The following SCUBE1 variants were observed in gnomAD, a reference collection of about 807,000 sequenced individuals.
SCUBE1 encodes signal peptide, CUB domain and EGF like domain containing 1.
SCUBE1 carries 59 observed loss-of-function variants against 124.4 expected under a neutral mutation model. The observed-to-expected ratio is 0.47, with a 90% CI of 0.38 to 0.59. The LOEUF is 0.59. Among genes scored for constraint, SCUBE1 ranks in the 20% least tolerant of loss-of-function variants. The pLI, the probability that SCUBE1 is intolerant of heterozygous loss-of-function variation, is 0.00. For synonymous variants in SCUBE1, 545 were observed against 550.9 expected (o/e 0.99, Z 0.15); for missense variants, 1,150 against 1,371.2 (o/e 0.84, Z 2.55).
chr22:43,246,320 C>A (rs1923209563), intron 6 of SCUBE1, among the ~76,000 whole-genome samples: 1 of 152,160 alleles, frequency 6.6e-6, no homozygotes, highest in African/African-American at 2.4e-5. Flanking sequence ...CATGGCCGTG[C>A]CCCAGGAGGC....
chr22:43,250,396 A>G (rs1923394147), intron 6 of SCUBE1, among the ~76,000 whole-genome samples: 1 of 152,214 alleles, frequency 6.6e-6, no homozygotes, highest in African/African-American at 2.4e-5. Flanking sequence ...GGGAAGGCTC[A>G]GGGGGCCCTG....
chr22:43,282,579 A>C (rs1468098661), intron 4 of SCUBE1: 2 of 151,158 alleles, frequency 1.3e-5, no homozygotes, highest in African/African-American at 4.9e-5. Flanking sequence ...TCCCCCCTTA[A>C]TCCTCCCAAC....
At chr22:43,306,923 G>A (rs1601877772) in intron 3 of SCUBE1, among the ~76,000 whole-genome samples, 1 of 152,194 alleles carries the variant, frequency 6.6e-6, no homozygotes, top group Admixed American at 6.5e-5. Context: ...CTTTCCCAGC[G>A]CTTCTACCCA....
intron 3 of SCUBE1, among the ~76,000 whole-genome samples, chr22:43,304,288 G>T (rs1389413952): frequency 6.6e-6 from 1 of 152,248 alleles, no homozygotes; most frequent in African/African-American, 2.4e-5. Flanking sequence ...TTAGTCACAT[G>T]TATTTGTTCA....
chr22:43,262,023 GA>G (rs1297827302), intron 5 of SCUBE1, among the ~76,000 whole-genome samples: 1 of 152,078 alleles, frequency 6.6e-6, no homozygotes, highest in African/African-American at 2.4e-5. Context: ...TAAGAGGCTG[GA>G]CTACACGTGG....
chr22:43,333,106 T>C (rs1926955409), intron 2 of SCUBE1, among the ~76,000 whole-genome samples: 2 of 152,148 alleles, frequency 1.3e-5, no homozygotes, highest in African/African-American at 4.8e-5. Flanking sequence ...GTGGTGTGTA[T>C]GGACCTGGGG....
chr22:43,331,669 G>A (rs555039918), intron 2 of SCUBE1, among the ~76,000 whole-genome samples: 23 of 152,112 alleles, frequency 1.5e-4, no homozygotes, highest in Non-Finnish European at 2.6e-4. Flanking sequence ...CTTTTCCCTC[G>A]CAAATGTCTA....
At chr22:43,298,187 C>T (rs919081617) in intron 3 of SCUBE1, among the ~76,000 whole-genome samples, 3 of 152,222 alleles carry the variant, frequency 2.0e-5, no homozygotes, top group Non-Finnish European at 2.9e-5. Flanking sequence ...AAAATACACA[C>T]GGGTCTTAGA....
chr22:43,240,611 G>A (rs1004395625), intron 6 of SCUBE1, among the ~76,000 whole-genome samples: 5 of 152,164 alleles, frequency 3.3e-5, no homozygotes, highest in African/African-American at 1.2e-4. Context: ...CAACCCCTTG[G>A]GGCTGCACCT....
intron 7 of SCUBE1, among the ~76,000 whole-genome samples, chr22:43,237,056 G>A (rs1321984242): frequency 6.7e-6 from 1 of 150,008 alleles, no homozygotes; most frequent in Non-Finnish European, 1.5e-5. Context: ...GAGTGGGGCA[G>A]CCTGGTGAAA....
chr22:43,255,654 C>A lies in SCUBE1; in HGVS notation c.727+2565G>T. ...CTTCCCGCGGCCCAAGACAGTCAGC[C>A]TCTCGGCGTGGCGCACGCAAAGCCA... is the stretch of plus-strand genomic sequence containing the variant. On this transcript the variant is annotated intron_variant, in intron 6 of 21. Transcript: ENST00000360835. This position sits in a 1 kb window ranked among gnomAD's most constrained non-coding sequence, Gnocchi z 4.7. 6.2e-6 allele frequency: 8 copies of A among 1,291,592 alleles called. No individual in the cohort carries two copies. The highest frequency in any genetic ancestry group is 8.7e-6 in the Non-Finnish European group (8 of 914,940). The allele number at this position is 1,291,592 out of a possible 1,614,324, so 80.0% of individuals were successfully genotyped here.
intron 15 of SCUBE1, among the ~76,000 whole-genome samples, chr22:43,216,839 C>T (rs969106750): frequency 6.8e-6 from 1 of 147,298 alleles, no homozygotes; most frequent in Admixed American, 6.7e-5. Flanking sequence ...CCAGGTGTCA[C>T]CTCTTTATCA....
chr22:43,242,602 C>T (rs184216531), intron 6 of SCUBE1, among the ~76,000 whole-genome samples: 12 of 152,238 alleles, frequency 7.9e-5, no homozygotes, highest in African/African-American at 2.7e-4. Flanking sequence ...GAATCTCCCC[C>T]ACCCTGAAAC....
chr22:43,228,515 G>A (rs556119039), intron 9 of SCUBE1, among the ~76,000 whole-genome samples: 13 of 152,242 alleles, frequency 8.5e-5, no homozygotes, highest in African/African-American at 2.9e-4. Context: ...ACTCCCCTGC[G>A]GGCTCACGCA....
intron 4 of SCUBE1, among the ~76,000 whole-genome samples, chr22:43,275,324 C>A (rs576610219): frequency 6.6e-6 from 1 of 152,184 alleles, no homozygotes; most frequent in Non-Finnish European, 1.5e-5. Flanking sequence ...CCTCTCCTGG[C>A]GGTGGGCTGG....
At chr22:43,267,536 G>A (rs1924121156) in intron 4 of SCUBE1, among the ~76,000 whole-genome samples, 1 of 152,164 alleles carries the variant, frequency 6.6e-6, no homozygotes, top group East Asian at 1.9e-4. Context: ...GAAGTCCTGC[G>A]GTCCCTGTGG....
At chr22:43,333,077 T>C (rs1186497423) in intron 2 of SCUBE1, among the ~76,000 whole-genome samples, 4 of 152,146 alleles carry the variant, frequency 2.6e-5, no homozygotes, top group Admixed American at 2.0e-4. Context: ...CTAAGTGCAG[T>C]GTGGCATGGG....
At chr22:43,207,111 C>T (rs1921323103) in intron 21 of SCUBE1, among the ~76,000 whole-genome samples, 1 of 152,154 alleles carries the variant, frequency 6.6e-6, no homozygotes, top group Non-Finnish European at 1.5e-5. Flanking sequence ...GCGGCCCTGC[C>T]TCTCCAGGCT....
chr22:43,261,252 G>A (rs1923860745), intron 5 of SCUBE1, among the ~76,000 whole-genome samples: 1 of 152,232 alleles, frequency 6.6e-6, no homozygotes, highest in African/African-American at 2.4e-5. Context: ...GTGGAGACGG[G>A]GCCTGGATGG....
Sources: gnomAD v4.1 joint callset for allele counts (sites outside exome capture counted in the v4.1 genomes callset) on GRCh38, gnomAD v4.1.1 for gene constraint, Gnocchi (gnomAD v3.1) non-coding constraint, MANE v1.5 for transcripts, NCBI Gene and HGNC (gene_info 2026-07-23, HGNC 2026-07-21) for gene names.